GSTA1: variants seen among roughly 807,000 people sequenced by gnomAD.
GSTA1 encodes glutathione S-transferase alpha 1.
GSTA1 carries 23 observed loss-of-function variants against 21.5 expected under a neutral mutation model. The observed-to-expected ratio is 1.07, with a 90% CI of 0.77 to 1.52. The LOEUF (loss-of-function observed/expected upper bound fraction) is 1.52. Ranked by LOEUF, GSTA1 falls within the 40% of genes most tolerant of loss-of-function variation. The pLI, the probability that GSTA1 is intolerant of heterozygous loss-of-function variation, is 0.00. For missense variants in GSTA1, 301 were observed against 264.2 expected, an observed-to-expected ratio of 1.14 and a Z score of -0.96; for synonymous variants, 125 against 90.0, an observed-to-expected ratio of 1.39 and a Z score of -2.20.
At position 52,803,794 on chromosome 6, in the gene GSTA1, C is replaced by T. The variant is rs920963913; in HGVS notation, c.-40G>A. 20 of 186,892 alleles carry T rather than the reference C, an allele frequency of 1.1e-4. No individual in the cohort carries two copies. Among genetic ancestry groups the T allele is most frequent in the South Asian group, 5.8e-4 (3 of 5,132 alleles). The allele number at this position is 186,892 out of a possible 1,614,324, so 11.6% of individuals were successfully genotyped here. A position where few individuals can be genotyped will look rare whatever the true frequency, so the allele number is the denominator to read the frequency against. On this transcript the variant is annotated 5_prime_UTR_variant, in exon 1 of 7. Transcript: ENST00000334575. ...TAAGATCAGTACTTACTTTGTTAAA[C>T]GCTGTCACCGTCCTGGCTCGACAAC...
intron 4 of GSTA1, among the ~76,000 whole-genome samples, chr6:52,795,004 T>A (rs1020048084): frequency 1.3e-5 from 2 of 152,248 alleles, no homozygotes; most frequent in African/African-American, 4.8e-5. Flanking sequence ...TATATTATAC[T>A]ATTGAGTGGT....
chr6:52,792,301 G>C (rs1763477307), intron 6 of GSTA1, among the ~76,000 whole-genome samples: 1 of 152,150 alleles, frequency 6.6e-6, no homozygotes, highest in Admixed American at 6.5e-5. Context: ...CAACACAGAT[G>C]AGTCTCTAAG....
At chr6:52,799,780 A>G (rs1447603844) in intron 1 of GSTA1, among the ~76,000 whole-genome samples, 1 of 152,242 alleles carries the variant, frequency 6.6e-6, no homozygotes, top group Non-Finnish European at 1.5e-5. Context: ...GGTGATGGAC[A>G]TGAATATCTA....
At chr6:52,800,916 T>G (rs1361173079) in intron 1 of GSTA1, among the ~76,000 whole-genome samples, 1 of 152,188 alleles carries the variant, frequency 6.6e-6, no homozygotes, top group South Asian at 2.1e-4. Context: ...AGTTTCACTG[T>G]TTTTGCCCAG....
chr6:52,794,507 A>T (rs1181308827), intron 4 of GSTA1, among the ~76,000 whole-genome samples: 1 of 152,224 alleles, frequency 6.6e-6, no homozygotes, highest in Non-Finnish European at 1.5e-5. Flanking sequence ...AGGTAAAAAG[A>T]ACGTCGGTGG....
In GSTA1 at chr6:52,799,314, A is replaced by G. The variant is rs1384977921; in HGVS notation, c.-30-17T>C. The G allele has an allele frequency of 6.9e-7, 1 of 1,455,830 alleles. No individual in the cohort carries two copies. 90.2% of individuals were successfully genotyped at this position (1,455,830 alleles called of 1,614,324 possible). ...TCTCTAAGCCTGAATGAATGAATGA[A>G]TGAATGAATAATTGAAACGATAGAA... On this transcript the variant is annotated splice_polypyrimidine_tract_variant and intron_variant, in intron 1 of 6. Coordinates refer to ENST00000334575, the MANE Select transcript of GSTA1 (RefSeq NM_145740.5).
intron 1 of GSTA1, among the ~76,000 whole-genome samples, chr6:52,802,399 A>C (rs1177943403): frequency 6.6e-6 from 1 of 152,188 alleles, no homozygotes; most frequent in Admixed American, 6.5e-5. Context: ...TCTGAGCCTC[A>C]ATTTTCTCTT....
chr6:52,801,256 A>T (rs929008648), intron 1 of GSTA1, among the ~76,000 whole-genome samples: 20 of 152,242 alleles, frequency 1.3e-4, no homozygotes, highest in African/African-American at 4.8e-4. Flanking sequence ...TCATTTTAAA[A>T]TATGGGAGTC....
intron 5 of GSTA1, among the ~76,000 whole-genome samples, chr6:52,793,896 G>C (rs1437204758): frequency 6.6e-6 from 1 of 152,178 alleles, no homozygotes; most frequent in Non-Finnish European, 1.5e-5. Flanking sequence ...GTAATTCCAT[G>C]TTGGGGTCCA....
In GSTA1 at chr6:52,796,524, T is replaced by TA. The variant is rs1432982677; in HGVS notation, c.140-211_140-210insT. Among the ~76,000 whole-genome samples the TA allele has an allele frequency of 7.0e-4, 15 of 21,370 alleles. 2 individuals carry two copies. The East Asian group carries it at 0.013, about 19-fold the overall frequency. 14.0% of individuals were successfully genotyped at this position (21,370 alleles called of 152,430 possible). A position where few individuals can be genotyped will look rare whatever the true frequency, so the allele number is the denominator to read the frequency against. On this transcript the variant is annotated intron_variant, in intron 3 of 6. Coordinates refer to ENST00000334575, the MANE Select transcript of GSTA1 (RefSeq NM_145740.5). ...GTGTGTGTGTGTGTGTGTGTGTGTGTGTGTGTATATATATATATATTTTTT... is the reference window on the plus strand; with the variant it reads ...GTGTGTGTGTGTGTGTGTGTGTGTGTAGTGTGTATATATATATATATTTTTT...
intron 6 of GSTA1, 140 bp downstream of exon 6, chr6:52,792,716 C>G (rs764172130): frequency 6.3e-6 from 10 of 1,595,144 alleles, no homozygotes; most frequent in Non-Finnish European, 8.5e-6. Flanking sequence ...AAATTGGAGC[C>G]TGGAAGCTCA....
chr6:52,794,183 G>C lies in GSTA1; in HGVS notation c.356C>G (p.Ala119Gly), dbSNP rs1203988377. Residue 119 changes from alanine (A) to glycine (G), a missense_variant, in exon 5 of 7, where the codon GCC (alanine) becomes GGC (glycine). Ala to Gly is a moderately conservative substitution (Grantham distance 60, BLOSUM62 0). Transcript: ENST00000334575. ...TTTCTCTTTGATCAAGGCAAGCTTG[G>C]CATCTTTTTCCTCAGGTGGACATAC... is the stretch of plus-strand genomic sequence containing the variant. Reference protein sequence around the residue: ...LPVCPPEEKDAKLALIKEKIK... With the variant: ...LPVCPPEEKDGKLALIKEKIK... 6.2e-7 allele frequency: 1 copy of C among 1,614,050 alleles called. No individual in the cohort carries two copies. The highest frequency in any genetic ancestry group is 1.3e-5 in the African/African-American group (1 of 75,036).
intron 1 of GSTA1, among the ~76,000 whole-genome samples, chr6:52,802,018 A>G (rs140481398): frequency 1.3e-5 from 2 of 152,222 alleles, no homozygotes; most frequent in African/African-American, 4.8e-5. Flanking sequence ...AGCCAAATAA[A>G]TGTTGGAAGG....
intron 3 of GSTA1, among the ~76,000 whole-genome samples, chr6:52,796,590 C>A (rs1452145918): frequency 7.3e-6 from 1 of 137,162 alleles, no homozygotes; most frequent in East Asian, 2.1e-4. Flanking sequence ...GTCACCCAGG[C>A]TGGAGTGGAG....
At chr6:52,800,082 T>C (rs1427361169) in intron 1 of GSTA1, among the ~76,000 whole-genome samples, 5 of 152,236 alleles carry the variant, frequency 3.3e-5, no homozygotes, top group African/African-American at 1.2e-4. Context: ...TTTTGTTTTA[T>C]AAGCTGGAAG....
At chr6:52,794,976 A>G (rs1763542023) in intron 4 of GSTA1, among the ~76,000 whole-genome samples, 1 of 152,240 alleles carries the variant, frequency 6.6e-6, no homozygotes, top group Non-Finnish European at 1.5e-5. Context: ...ATATTCACAT[A>G]CTATAATTGC....
chr6:52,792,900 C>G lies in GSTA1; in HGVS notation c.502G>C (p.Glu168Gln). 6.2e-7 allele frequency: 1 copy of G among 1,614,040 alleles called. No homozygotes were observed. The highest frequency in any genetic ancestry group is 1.7e-5 in the Admixed American group (1 of 60,020). The change falls in exon 6 of 7, where the codon GAG (glutamate) becomes CAG (glutamine). Residue 168 changes from glutamate (E) to glutamine (Q), a missense_variant. Transcript: ENST00000334575. ...GAGATAAGACTGGAGTCAAGCTCCT[C>G]GACGTAGTAGAGAAGTTCCACCAGA... ...IHLVELLYYV[E>Q]ELDSSLISSF...
intron 3 of GSTA1, among the ~76,000 whole-genome samples, chr6:52,796,543 A>ATATATATATTTTTTTTTTTT (rs1300549721): frequency 4.2e-5 from 1 of 23,760 alleles, no homozygotes; most frequent in Non-Finnish European, 1.1e-4. Context: ...ATATATATAT[A>ATATATATATTTTTTTTTTTT]TTTTTTTTTT....
intron 2 of GSTA1, among the ~76,000 whole-genome samples, chr6:52,798,221 A>C (rs2127305489): frequency 6.6e-6 from 1 of 152,070 alleles, no homozygotes; most frequent in South Asian, 2.1e-4. Flanking sequence ...TAATAAAGGA[A>C]TTAGGGTCCC....
Sources: allele counts gnomAD v4.1 joint callset (sites outside exome capture counted in the v4.1 genomes callset), GRCh38; gene constraint gnomAD v4.1.1; transcripts MANE v1.5; gene names NCBI Gene and HGNC (gene_info 2026-07-23, HGNC 2026-07-21).